ANKFN1: variants seen among roughly 807,000 people sequenced by gnomAD.
ANKFN1 encodes the protein ankyrin repeat and fibronectin type III domain containing 1.
ANKFN1 carries 74 observed loss-of-function variants against 108.7 expected under a neutral mutation model. The observed-to-expected ratio is 0.68, with a 90% CI of 0.56 to 0.83. The LOEUF is 0.83. ANKFN1 is among the 40% of genes least tolerant of loss of function. The pLI is 0.00. For missense variants in ANKFN1, 1,505 were observed against 1,382.3 expected (o/e 1.09, Z -1.41); for synonymous variants, 547 against 516.2 (o/e 1.06, Z -0.81).
At chr17:56,380,727 C>G (rs990912534) in intron 8 of ANKFN1, among the ~76,000 whole-genome samples, 2 of 152,156 alleles carry the variant, frequency 1.3e-5, no homozygotes, top group South Asian at 4.2e-4. Context: ...GCAGCGAGGC[C>G]GGGGGAGGGG....
chr17:56,123,782 T>A lies in ANKFN1; in HGVS notation c.288+77457T>A, dbSNP rs1457435081. Among the ~76,000 whole-genome samples, 14 of 151,520 alleles carry A rather than the reference T, an allele frequency of 9.2e-5. No homozygotes were observed. In the East Asian group the frequency reaches 2.5e-3, roughly 27 times the overall value. Reference sequence around the variant, plus strand: ...TGTGTACATTATGTGTGTGAGCCTGTGTGCATGACTGATTGTGTGTGTGTG... The same window carrying A: ...TGTGTACATTATGTGTGTGAGCCTGAGTGCATGACTGATTGTGTGTGTGTG... On this transcript the variant is annotated intron_variant, in intron 4 of 12. Transcript: ENST00000635860.
At chr17:56,051,785 A>G (rs933340253) in intron 4 of ANKFN1, among the ~76,000 whole-genome samples, 21 of 151,564 alleles carry the variant, frequency 1.4e-4, no homozygotes, top group African/African-American at 4.6e-4. Context: ...ACAGACTAAC[A>G]GAGAGCCAAA....
chr17:56,440,554 A>G (rs1350199941), intron 9 of ANKFN1, 130 bp downstream of exon 9: 3 of 620,284 alleles, frequency 4.8e-6, no homozygotes, highest in South Asian at 2.0e-5. Context: ...CTCATTAAGC[A>G]TGATATGTCT....
intron 14 of ANKFN1, among the ~76,000 whole-genome samples, chr17:56,465,745 A>T (rs1298909599): frequency 6.6e-6 from 1 of 152,204 alleles, no homozygotes; most frequent in Non-Finnish European, 1.5e-5. Flanking sequence ...TGTCTGCCTC[A>T]GTTGACCCAG....
intron 3 of ANKFN1, among the ~76,000 whole-genome samples, chr17:56,296,600 C>G (rs1283683155): frequency 1.3e-5 from 2 of 152,194 alleles, no homozygotes; most frequent in Admixed American, 6.5e-5. Context: ...AGGAGAATCA[C>G]TTGAACCCAG....
chr17:56,346,979 GTTTAT>G (rs1449460501), intron 4 of ANKFN1, among the ~76,000 whole-genome samples: 1 of 151,730 alleles, frequency 6.6e-6, no homozygotes, highest in African/African-American at 2.4e-5. Flanking sequence ...AATTCCCTGA[GTTTAT>G]TTTATCATTT....
At chr17:56,060,916 T>A (rs1364704174) in intron 4 of ANKFN1, among the ~76,000 whole-genome samples, 2 of 152,146 alleles carry the variant, frequency 1.3e-5, no homozygotes, top group Non-Finnish European at 2.9e-5. Context: ...CTCCTCCAGG[T>A]TTTGGTATCA....
At chr17:56,074,187 G>A (rs899736898) in intron 4 of ANKFN1, among the ~76,000 whole-genome samples, 12 of 152,140 alleles carry the variant, frequency 7.9e-5, no homozygotes, top group African/African-American at 2.4e-4. Context: ...AATATGCAGG[G>A]ATTTTAGTGG....
At position 56,510,682 on chromosome 17, in the gene ANKFN1, G is replaced by A; in HGVS notation, c.2854G>A (p.Gly952Ser). The change falls in exon 21 of 21, where the codon GGC becomes AGC. Residue 952 changes from glycine to serine, a missense_variant. Physicochemically the swap from Gly to Ser is moderately conservative, Grantham distance 56. Transcript: ENST00000682825. ...CGACGTGAAAACCCCTCTGGGGCCG[G>A]GCCAGGATCCCCAGGGCGAGGGCCC... ...VHDVKTPLGP[G>S]QDPQGEGPNP... 22 of 1,536,166 alleles carry A rather than the reference G, an allele frequency of 1.4e-5. No individual in the cohort carries two copies. Among genetic ancestry groups the A allele is most frequent in the Non-Finnish European group, 1.7e-5 (20 of 1,146,916 alleles).
chr17:56,266,554 G>GT (rs1218050857), intron 3 of ANKFN1, among the ~76,000 whole-genome samples: 1 of 152,172 alleles, frequency 6.6e-6, no homozygotes, highest in East Asian at 1.9e-4. Flanking sequence ...CTATCCCTGT[G>GT]TAAGTTGAGA....
chr17:56,136,214 T>C (rs907210694), intron 4 of ANKFN1, among the ~76,000 whole-genome samples: 9 of 152,168 alleles, frequency 5.9e-5, no homozygotes, highest in African/African-American at 2.2e-4. Context: ...CACCATTCAC[T>C]GCCCCCCATG....
At chr17:56,485,421 G>A (rs908026365) in intron 18 of ANKFN1, among the ~76,000 whole-genome samples, 1 of 152,166 alleles carries the variant, frequency 6.6e-6, no homozygotes, top group Non-Finnish European at 1.5e-5. Context: ...GTAAGAGTGT[G>A]CTTGGCTAAG....
At chr17:56,231,300 A>G (rs1449848203) in intron 3 of ANKFN1, among the ~76,000 whole-genome samples, 1 of 152,110 alleles carries the variant, frequency 6.6e-6, no homozygotes, top group Non-Finnish European at 1.5e-5. Flanking sequence ...TTAGCTCAAG[A>G]TCTATGCATC....
intron 8 of ANKFN1, among the ~76,000 whole-genome samples, chr17:56,420,544 T>A (rs2048368292): frequency 6.6e-6 from 1 of 152,164 alleles, no homozygotes; most frequent in African/African-American, 2.4e-5. Context: ...AGGGTGCAGG[T>A]AATTGTGCAT....
intron 3 of ANKFN1, among the ~76,000 whole-genome samples, chr17:56,275,519 G>A (rs2043904815): frequency 6.6e-6 from 1 of 152,140 alleles, no homozygotes; most frequent in Non-Finnish European, 1.5e-5. Flanking sequence ...ATAAGATTTA[G>A]TTGAAAGTTT....
intron 4 of ANKFN1, among the ~76,000 whole-genome samples, chr17:56,329,406 A>T (rs78750442): frequency 6.6e-6 from 1 of 152,044 alleles, no homozygotes; most frequent in African/African-American, 2.4e-5. Context: ...TTCCTCATTC[A>T]TCATTCAAAA....
At chr17:56,315,825 A>T (rs2045189719) in intron 3 of ANKFN1, among the ~76,000 whole-genome samples, 1 of 152,232 alleles carries the variant, frequency 6.6e-6, no homozygotes, top group Non-Finnish European at 1.5e-5. Context: ...AGACAGAAGA[A>T]CTAGGCCAGA....
At chr17:56,151,873 G>C (rs542999877), upstream of ANKFN1, among the ~76,000 whole-genome samples, 1 of 152,228 alleles carries the variant, frequency 6.6e-6, no homozygotes, top group East Asian at 1.9e-4. Context: ...ATCTTCCCTT[G>C]AGCTTAATGC....
intron 3 of ANKFN1, among the ~76,000 whole-genome samples, chr17:56,285,260 T>C (rs2044185688): frequency 5.9e-5 from 9 of 152,136 alleles, no homozygotes; most frequent in Admixed American, 5.9e-4. Context: ...AGGCAGACAC[T>C]GGACAAGCTC....
Sources: allele counts gnomAD v4.1 joint callset (sites outside exome capture counted in the v4.1 genomes callset), GRCh38; gene constraint gnomAD v4.1.1; transcripts MANE v1.5; gene names NCBI Gene and HGNC (gene_info 2026-07-23, HGNC 2026-07-21).